F5: variants seen among roughly 807,000 people sequenced by gnomAD.
The protein encoded by F5 is coagulation factor V, also known as activated protein c cofactor.
A neutral mutation model predicts 216.4 loss-of-function variants in F5; 138 were observed. That is an observed-to-expected ratio of 0.64 (90% CI 0.56 to 0.73). The LOEUF (loss-of-function observed/expected upper bound fraction) is 0.73, where lower values mean the gene tolerates loss of function less well. Among genes scored for constraint, F5 ranks in the 30% least tolerant of loss-of-function variants. The probability of loss-of-function intolerance (pLI) is 0.00; values close to 1 mark genes in which losing one functional copy is unlikely to be tolerated. For missense variants in F5, 2,403 were observed against 2,674.0 expected (o/e 0.90, Z 2.24); for synonymous variants, 916 against 930.7 (o/e 0.98, Z 0.29).
chr1:169,586,376 C>T lies in F5; in HGVS notation c.11G>A (p.Gly4Asp). Reference protein sequence around the residue: MFPGCPRLWVLVVL... With the variant: MFPDCPRLWVLVVL... The stretch of plus-strand genomic sequence containing the variant: ...CACCAGGACCCAGAGGCGTGGGCAG[C>T]CTGGGAACATGCTTCCTTTCCTGCT... Residue 4 changes from glycine (G) to aspartate (D), a missense_variant, in exon 1 of 25, where the codon GGC (glycine) becomes GAC (aspartate). Physicochemically the swap from Gly to Asp is moderately conservative, Grantham distance 94 (BLOSUM62 -1). Around this residue, in one of 4 missense-constraint regions of F5, gnomAD observed 1,425 missense variants for 1,554.8 expected, o/e 0.92. Transcript: ENST00000367797. 2 of 1,613,330 alleles carry T rather than the reference C, an allele frequency of 1.2e-6. No individual in the cohort carries two copies. Among genetic ancestry groups the T allele is most frequent in the Non-Finnish European group, 1.7e-6 (2 of 1,179,928 alleles).
chr1:169,547,287 G>T (rs541397668), intron 10 of F5, among the ~76,000 whole-genome samples: 1 of 152,332 alleles, frequency 6.6e-6, no homozygotes, highest in Non-Finnish European at 1.5e-5. Context: ...GATGGGCAAA[G>T]CTTTCATGAC....
Position 169,555,331 on chromosome 1 carries a change from G to T in F5, c.969C>A (p.Tyr323Ter). 1 of 1,614,042 alleles carries T rather than the reference G, an allele frequency of 6.2e-7. No homozygotes were observed. Among genetic ancestry groups the T allele is most frequent in the Non-Finnish European group, 8.5e-7 (1 of 1,179,990 alleles). Reference protein sequence around the residue: ...PKHLQAGMQAYIDIKNCPKKT... With the variant: ...PKHLQAGMQA ...TCTTTGGGCAGTTTTTAATGTCAAT[G>T]TAAGCCTGCATCCCAGCTGAGTTAG... Residue 323 changes from tyrosine (Y) to a stop codon, truncating the protein, a stop_gained, in exon 7 of 25, where the codon TAC becomes TAA. Transcript: ENST00000367797. LOFTEE classifies it high-confidence loss of function.
chr1:169,539,351 G>A (rs1295376417), intron 13 of F5, among the ~76,000 whole-genome samples: 1 of 152,136 alleles, frequency 6.6e-6, no homozygotes, highest in Non-Finnish European at 1.5e-5. Flanking sequence ...CCATAAAAGT[G>A]GGTTGTGAGC....
intron 10 of F5, among the ~76,000 whole-genome samples, chr1:169,548,299 T>A (rs188995604): frequency 1.3e-5 from 2 of 152,100 alleles, no homozygotes; most frequent in Non-Finnish European, 2.9e-5. Context: ...ATGACACATG[T>A]TTACCTATGT....
chr1:169,535,242 T>G (rs1359262592), intron 14 of F5, among the ~76,000 whole-genome samples: 2 of 152,194 alleles, frequency 1.3e-5, no homozygotes, highest in Non-Finnish European at 2.9e-5. Context: ...AATCCAGGGC[T>G]AAAACAAAGA....
intron 10 of F5, among the ~76,000 whole-genome samples, chr1:169,548,259 G>C (rs1030120079): frequency 2.0e-5 from 3 of 152,024 alleles, no homozygotes; most frequent in Non-Finnish European, 2.9e-5. Context: ...TAATACCTGG[G>C]TGATGAAGTA....
intron 21 of F5, 105 bp downstream of exon 21, chr1:169,523,063 GACCCTTAGAAAGCCATTCACATTTCTAAT>G: frequency 1.1e-6 from 1 of 928,106 alleles, no homozygotes; most frequent in Non-Finnish European, 1.7e-6. Flanking sequence ...TTCTCCATAT[GACCCTTAGAAAGCCATTCACATTTCTAAT>G]ACCCAGAAAG....
rs1660120225 is a variant in F5, at chr1:169,549,896, A to G, written c.1516T>C (p.Tyr506His). Residue 506 changes from tyrosine to histidine, a missense_variant, in exon 10 of 25, where the codon TAC becomes CAC. Transcript: ENST00000367797. The part of the protein sequence containing the change: ...NDAQCLTRPY[Y>H]SDVDIMRDIA... ...TCTCTCATGATGTCCACGTCACTGT[A>G]GTATGGTCTTGTTAAGCACTGGGCA... 6.2e-7 allele frequency: 1 copy of G among 1,614,136 alleles called. No homozygotes were observed. The highest frequency in any genetic ancestry group is 8.5e-7 in the Non-Finnish European group (1 of 1,179,976).
chr1:169,552,200 C>G (rs1036922849), intron 8 of F5, among the ~76,000 whole-genome samples: 3 of 152,020 alleles, frequency 2.0e-5, no homozygotes, highest in Admixed American at 6.6e-5. Context: ...TAAACTTCAC[C>G]CTGACATATT....
At chr1:169,561,631 G>A (rs1660489910) in intron 3 of F5, among the ~76,000 whole-genome samples, 1 of 152,126 alleles carries the variant, frequency 6.6e-6, no homozygotes. Context: ...TCCTCTGCCT[G>A]AGGAATTCCT....
At chr1:169,554,685 T>G (rs73051173) in intron 7 of F5, among the ~76,000 whole-genome samples, 4,811 of 152,364 alleles carry the variant, frequency 0.032, 127 homozygotes, top group African/African-American at 0.08. Context: ...ATGATAGTTC[T>G]TTTTTCTCAC....
rs886045538 is a variant in F5, at chr1:169,513,923, G to A, written c.*390C>T. On this transcript the variant is annotated 3_prime_UTR_variant, in exon 25 of 25. Transcript: ENST00000367797. Reference sequence around the variant, plus strand: ...ATTAAAAAATCATGTGTTTGTGAAAGTTATCCAGGTCTATCAATTATTATT... The same window carrying A: ...ATTAAAAAATCATGTGTTTGTGAAAATTATCCAGGTCTATCAATTATTATT... Among the ~76,000 whole-genome samples the A allele has an allele frequency of 3.9e-5, 6 of 152,172 alleles. No homozygotes were observed. The highest frequency in any genetic ancestry group is 3.4e-3 in the Middle Eastern group (1 of 294).
chr1:169,562,265 T>C (rs1384581411), intron 3 of F5, among the ~76,000 whole-genome samples: 1 of 152,104 alleles, frequency 6.6e-6, no homozygotes, highest in Non-Finnish European at 1.5e-5. Context: ...TGTAATGTCA[T>C]ATCAATGGAA....
chr1:169,556,240 A>C (rs1660321391), intron 6 of F5, among the ~76,000 whole-genome samples: 1 of 152,034 alleles, frequency 6.6e-6, no homozygotes, highest in African/African-American at 2.4e-5. Flanking sequence ...TAATGTTTTC[A>C]TGCTAAACTT....
Position 169,541,970 on chromosome 1 carries a change from A to G in F5, c.3120T>C (p.His1040=), listed in dbSNP as rs1571574660. Residue 1040 remains histidine (H), a synonymous_variant, in exon 13 of 25, where the codon CAT becomes CAC. Coordinates refer to ENST00000367797, the MANE Select transcript of F5 (RefSeq NM_000130.5). ...GAAAGGTCCTCGGAGATAAAGGAGC[A>G]TGGTGTGTGTGCTTCTCTTTTTTCT... is the stretch of plus-strand genomic sequence containing the variant. ...RKKKKEKHTH[H]APLSPRTFHP... is the part of the protein sequence containing the mutation. 2 of 1,614,060 alleles carry G rather than the reference A, an allele frequency of 1.2e-6. No homozygotes were observed. Among genetic ancestry groups the G allele is most frequent in the East Asian group, 2.2e-5 (1 of 44,884 alleles).
intron 6 of F5, among the ~76,000 whole-genome samples, chr1:169,555,993 TA>T (rs1475489683): frequency 6.6e-6 from 1 of 152,224 alleles, no homozygotes; most frequent in Non-Finnish European, 1.5e-5. Flanking sequence ...CCTTAGATTT[TA>T]GTCTCCATTT....
At chr1:169,522,434 C>T (rs542114673) in intron 21 of F5, among the ~76,000 whole-genome samples, 2 of 152,284 alleles carry the variant, frequency 1.3e-5, no homozygotes, top group South Asian at 4.1e-4. Context: ...ATGCTATGGA[C>T]TCAACTGCAA....
chr1:169,568,500 G>A (rs1332808449), intron 3 of F5, among the ~76,000 whole-genome samples: 1 of 151,742 alleles, frequency 6.6e-6, no homozygotes, highest in Non-Finnish European at 1.5e-5. Context: ...GCATTTGTGA[G>A]ATGCAGTTTT....
intron 24 of F5, 41 bp downstream of exon 24, chr1:169,515,403 A>G (rs1405710128): frequency 1.2e-6 from 2 of 1,605,932 alleles, no homozygotes; most frequent in Non-Finnish European, 1.7e-6. Flanking sequence ...ATTATAGCAC[A>G]GTCTTCAGAT....
Sources: allele counts gnomAD v4.1 joint callset (sites outside exome capture counted in the v4.1 genomes callset), GRCh38; gene constraint gnomAD v4.1.1; regional missense constraint gnomAD v4.1.1; transcripts MANE v1.5; gene names NCBI Gene and HGNC (gene_info 2026-07-23, HGNC 2026-07-21).